Variants in DNAH9 observed in about 807,000 individuals in gnomAD.
DNAH9 encodes the protein dynein axonemal heavy chain 9.
In DNAH9, 345 loss-of-function variants were observed where a neutral mutation model predicts 471.6. The observed-to-expected ratio is 0.73, with a 90% CI of 0.67 to 0.80. The LOEUF is 0.80. Ranked by LOEUF, DNAH9 falls within the 30% of genes least tolerant of loss-of-function variation. The probability of loss-of-function intolerance (pLI) is 0.00; values close to 1 mark genes in which losing one functional copy is unlikely to be tolerated. For synonymous variants in DNAH9, 2,093 were observed against 2,123.6 expected, an observed-to-expected ratio of 0.99 and a Z score of 0.40; for missense variants, 5,407 against 5,609.2, an observed-to-expected ratio of 0.96 and a Z score of 1.15.
intron 50 of DNAH9, among the ~76,000 whole-genome samples, chr17:11,864,043 T>C (rs1439086694): frequency 1.3e-5 from 2 of 151,486 alleles, no homozygotes; most frequent in Non-Finnish European, 2.9e-5. Context: ...CTGATTTTAG[T>C]TATTTCTTGC....
Position 11,864,243 on chromosome 17 carries a change from A to G in DNAH9, c.9934-4891A>G, listed in dbSNP as rs1180628833. ...TGTGTCTTTATTCTCATTGGTTTCA[A>G]AGAACATCTTTATTTCTGCCTTCAT... On this transcript the variant is annotated intron_variant, in intron 50 of 68. Coordinates refer to ENST00000262442, the MANE Select transcript of DNAH9 (RefSeq NM_001372.4). 8.7e-5 allele frequency among the ~76,000 whole-genome samples: 13 copies of G among 149,004 alleles called. No individual in the cohort carries two copies. In the East Asian group the frequency reaches 2.6e-3, roughly 29 times the overall value.
intron 18 of DNAH9, among the ~76,000 whole-genome samples, chr17:11,680,347 G>A (rs1273539501): frequency 6.6e-6 from 1 of 152,064 alleles, no homozygotes; most frequent in African/African-American, 2.4e-5. Flanking sequence ...AAAAGGGAAG[G>A]GGTTAATGTA....
intron 29 of DNAH9, among the ~76,000 whole-genome samples, chr17:11,740,318 C>T (rs2075412854): frequency 6.6e-6 from 1 of 152,154 alleles, no homozygotes; most frequent in Non-Finnish European, 1.5e-5. Flanking sequence ...AATAAAAATA[C>T]TGCAGACTGG....
chr17:11,862,046 T>G (rs1217214776), intron 50 of DNAH9, among the ~76,000 whole-genome samples: 1 of 144,852 alleles, frequency 6.9e-6, no homozygotes, highest in East Asian at 2.0e-4. Context: ...TTTGTCAATT[T>G]TGGCTTTTGT....
chr17:11,872,373 C>T (rs1463214549), intron 52 of DNAH9, among the ~76,000 whole-genome samples: 2 of 129,270 alleles, frequency 1.5e-5, no homozygotes, highest in Non-Finnish European at 3.2e-5. Context: ...ACCCGCCCCC[C>T]ACCCCCTGCA....
At chr17:11,830,218 C>A (rs1268479794) in intron 48 of DNAH9, among the ~76,000 whole-genome samples, 1 of 152,222 alleles carries the variant, frequency 6.6e-6, no homozygotes, top group African/African-American at 2.4e-5. Context: ...TTGGCATTGC[C>A]TGGTCCCCCT....
chr17:11,749,971 A>G (rs1967081730), intron 32 of DNAH9, among the ~76,000 whole-genome samples: 1 of 152,096 alleles, frequency 6.6e-6, no homozygotes, highest in Admixed American at 6.6e-5. Context: ...TTCTTTTTTC[A>G]TATTAAATAT....
chr17:11,801,080 ATTTAGTTTTC>A (rs1056035733), intron 43 of DNAH9, among the ~76,000 whole-genome samples: 2 of 152,174 alleles, frequency 1.3e-5, no homozygotes, highest in African/African-American at 4.8e-5. Context: ...ATATCATTGC[ATTTAGTTTTC>A]ACAAAAACCC....
At chr17:11,767,989 C>T (rs1785550938) in intron 36 of DNAH9, among the ~76,000 whole-genome samples, 2 of 151,690 alleles carry the variant, frequency 1.3e-5, no homozygotes, top group Admixed American at 1.3e-4. Context: ...GATACCCAAA[C>T]CCCTTCTGAG....
chr17:11,833,101 C>T (rs540731024), intron 48 of DNAH9, among the ~76,000 whole-genome samples: 1 of 152,340 alleles, frequency 6.6e-6, no homozygotes, highest in Admixed American at 6.5e-5. Flanking sequence ...TCACATCACT[C>T]TGCTGATCTG....
At chr17:11,851,337 C>T (rs1971415572) in intron 49 of DNAH9, among the ~76,000 whole-genome samples, 5 of 152,016 alleles carry the variant, frequency 3.3e-5, no homozygotes, top group South Asian at 4.1e-4. Context: ...AGGCTGGTCT[C>T]GAACTCCTGA....
chr17:11,772,395 C>G (rs1968244333), intron 38 of DNAH9, among the ~76,000 whole-genome samples: 2 of 152,140 alleles, frequency 1.3e-5, no homozygotes, highest in African/African-American at 4.8e-5. Flanking sequence ...CTGCCCTGAC[C>G]TGTCATTCTC....
chr17:11,853,586 A>G lies in DNAH9; in HGVS notation c.9508-417A>G, dbSNP rs190306489. On this transcript the variant is annotated intron_variant, in intron 49 of 68. Transcript: ENST00000262442. ...CAAGCTCATGGAACAAAGCAGTTTA[A>G]TTAAGGAAAAAAAAATTACTTGGGT... Among the ~76,000 whole-genome samples the G allele has an allele frequency of 2.0e-5, 3 of 152,338 alleles. No individual in the cohort carries two copies. In the East Asian group the frequency reaches 5.8e-4, roughly 29 times the overall value.
chr17:11,827,013 T>A (rs1480282702), intron 48 of DNAH9, among the ~76,000 whole-genome samples: 1 of 151,802 alleles, frequency 6.6e-6, no homozygotes, highest in Non-Finnish European at 1.5e-5. Flanking sequence ...TTAGTAGAGA[T>A]GGGGTTTCAC....
rs1245217143 is a variant in DNAH9, at chr17:11,962,823, C to A, written c.13233+567C>A. ...TCCACATTCATGAGCTCTCAAAGGG[C>A]AGGAATCTTCTGCCTTTTATGTTGT... On this transcript the variant is annotated intron_variant, in intron 68 of 68. Coordinates refer to ENST00000262442, the MANE Select transcript of DNAH9 (RefSeq NM_001372.4). The surrounding 1 kb of genome is among the most constrained non-coding windows in gnomAD (Gnocchi z 4.1). 6.6e-6 allele frequency among the ~76,000 whole-genome samples: 1 copy of A among 152,066 alleles called. No individual in the cohort carries two copies. Among genetic ancestry groups the A allele is most frequent in the African/African-American group, 2.4e-5 (1 of 41,408 alleles).
Position 11,748,751 on chromosome 17 carries a change from G to T in DNAH9, c.6610+985G>T, listed in dbSNP as rs547769195. On this transcript the variant is annotated intron_variant, in intron 32 of 68. Transcript: ENST00000262442. ...TTTGGCACTGGAGGACAGCAGAAAA[G>T]AAAGTTGAGGGGGAAAAAAAGAGGT... 1.1e-4 allele frequency among the ~76,000 whole-genome samples: 16 copies of T among 152,198 alleles called. 1 individual carries two copies. The South Asian group carries it at 2.9e-3, about 28-fold the overall frequency.
intron 22 of DNAH9, among the ~76,000 whole-genome samples, chr17:11,697,646 G>T (rs530877474): frequency 4.9e-4 from 75 of 151,872 alleles, no homozygotes; most frequent in Non-Finnish European, 8.7e-4. Flanking sequence ...TTTCATTCAG[G>T]TTTATCATAC....
chr17:11,871,872 T>C, intron 52 of DNAH9, 86 bp downstream of exon 52: 1 of 1,423,556 alleles, frequency 7.0e-7, no homozygotes, highest in Non-Finnish European at 9.7e-7. Context: ...CATCCTCTGG[T>C]GTCCTCCTGC....
chr17:11,835,949 T>C (rs764402955), intron 49 of DNAH9, among the ~76,000 whole-genome samples: 11 of 152,186 alleles, frequency 7.2e-5, no homozygotes, highest in Non-Finnish European at 1.2e-4. Flanking sequence ...GCTAGCCCGC[T>C]ATTTGTATGC....
Sources: gnomAD v4.1 joint callset for allele counts (sites outside exome capture counted in the v4.1 genomes callset) on GRCh38, gnomAD v4.1.1 for gene constraint, Gnocchi (gnomAD v3.1) non-coding constraint, MANE v1.5 for transcripts, NCBI Gene and HGNC (gene_info 2026-07-23, HGNC 2026-07-21) for gene names.